GPC4: variants seen among roughly 807,000 people sequenced by gnomAD.
The protein encoded by GPC4 is glypican-4.
Under a neutral mutation model 35.0 loss-of-function variants are expected in GPC4, and 10 were observed. The observed-to-expected ratio is 0.29, with a 90% confidence interval of 0.18 to 0.48. The LOEUF is 0.48. Ranked by LOEUF, GPC4 falls within the 20% of genes least tolerant of loss-of-function variation. The pLI, the probability that GPC4 is intolerant of heterozygous loss-of-function variation, is 0.99. For missense variants in GPC4, 322 were observed against 451.3 expected (o/e 0.71, Z 2.60); for synonymous variants, 167 against 170.2 (o/e 0.98, Z 0.15).
At chrX:133,383,124 T>C (rs897156713) in intron 1 of GPC4, among the ~76,000 whole-genome samples, 1 of 112,012 alleles carries the variant, frequency 8.9e-6, no homozygotes, top group Admixed American at 9.5e-5. Context: ...TTATTCCTAA[T>C]TGCCAAAATT....
intron 7 of GPC4, 78 bp from the exon 8 acceptor site, chrX:133,303,419 A>G: frequency 1.2e-6 from 1 of 845,703 alleles, no homozygotes; most frequent in Non-Finnish European, 1.7e-6. Flanking sequence ...AAGTGCTGGG[A>G]TTACAGGCGT....
intron 4 of GPC4, among the ~76,000 whole-genome samples, chrX:133,307,809 A>T (rs2068297271): frequency 8.9e-6 from 1 of 112,136 alleles, no homozygotes; most frequent in Non-Finnish European, 1.9e-5. Flanking sequence ...AACAACAACA[A>T]CAAAACCCAG....
At chrX:133,348,154 C>T (rs910097477) in intron 1 of GPC4, among the ~76,000 whole-genome samples, 2 of 112,318 alleles carry the variant, frequency 1.8e-5, no homozygotes, top group Non-Finnish European at 3.8e-5. Context: ...AGAAATCAAC[C>T]AAGGCTTCTT....
intron 3 of GPC4, among the ~76,000 whole-genome samples, chrX:133,318,711 C>G: frequency 8.9e-6 from 1 of 112,356 alleles, no homozygotes; most frequent in Middle Eastern, 4.6e-3. Flanking sequence ...AGACTTCATC[C>G]TTCCAGGCAA....
At chrX:133,333,750 T>C (rs1178142666) in intron 2 of GPC4, among the ~76,000 whole-genome samples, 1 of 112,886 alleles carries the variant, frequency 8.9e-6, no homozygotes, top group African/African-American at 3.2e-5. Flanking sequence ...TCTTTCTCCG[T>C]ACTTTCGAGG....
At chrX:133,379,521 T>C (rs192241901) in intron 1 of GPC4, among the ~76,000 whole-genome samples, 1 of 112,074 alleles carries the variant, frequency 8.9e-6, no homozygotes, top group Non-Finnish European at 1.9e-5. Context: ...ACTGTTTATA[T>C]ACTAAATGCC....
At chrX:133,354,568 A>ATTTT (rs77166014) in intron 1 of GPC4, among the ~76,000 whole-genome samples, 22,648 of 94,862 alleles carry the variant, frequency 0.24, 2,473 homozygotes, top group South Asian at 0.34. Context: ...TTATTTATTT[A>ATTTT]TTTTTTTTTT....
Position 133,392,226 on chromosome X carries a change from C to A in GPC4, c.160+22580G>T, listed in dbSNP as rs139396803. ...CCAGCCTGGGAGACAGAGCAAGATTCTGTCTCAAAATAAATAAATAAATAT... is the reference window on the plus strand; with the variant it reads ...CCAGCCTGGGAGACAGAGCAAGATTATGTCTCAAAATAAATAAATAAATAT... On this transcript the variant is annotated intron_variant, in intron 1 of 8. Transcript: ENST00000370828. 5.3e-4 allele frequency among the ~76,000 whole-genome samples: 56 copies of A among 105,206 alleles called. 1 individual carries two copies. In the East Asian group the frequency reaches 0.015, roughly 28 times the overall value. The allele number at this position is 105,206 out of a possible 115,157, so 91.4% of individuals were successfully genotyped here.
intron 1 of GPC4, among the ~76,000 whole-genome samples, chrX:133,402,156 T>A (rs948272970): frequency 3.6e-5 from 4 of 112,374 alleles, no homozygotes; most frequent in African/African-American, 1.3e-4. Context: ...AAGTAGTAAC[T>A]GCTAACCACA....
intron 2 of GPC4, among the ~76,000 whole-genome samples, chrX:133,330,526 GT>G (rs111833370): frequency 0.032 from 3,515 of 111,075 alleles, 150 homozygotes; most frequent in African/African-American, 0.11. Flanking sequence ...TTTTTTGTTT[GT>G]TTTTTTAAAC....
At chrX:133,372,870 G>A (rs927267848) in intron 1 of GPC4, among the ~76,000 whole-genome samples, 1 of 112,164 alleles carries the variant, frequency 8.9e-6, no homozygotes, top group African/African-American at 3.2e-5. Context: ...TGATACCAGA[G>A]GGATGTGAAC....
intron 1 of GPC4, among the ~76,000 whole-genome samples, chrX:133,361,189 G>C (rs2124151818): frequency 9.0e-6 from 1 of 111,644 alleles, no homozygotes; most frequent in Non-Finnish European, 1.9e-5. Flanking sequence ...GATTTATTAA[G>C]GAAAACTGGT....
At chrX:133,391,252 C>T (rs1300571470) in intron 1 of GPC4, among the ~76,000 whole-genome samples, 4 of 111,990 alleles carry the variant, frequency 3.6e-5, no homozygotes, top group Non-Finnish European at 7.5e-5. Flanking sequence ...AACATCCCTT[C>T]ATAACAGAAA....
chrX:133,334,143 A>T lies in GPC4; in HGVS notation c.319+5040T>A, dbSNP rs770004914. ...GAGGTCATGCCTTTCACGGGCATAT[A>T]AATTTTAATGCCTCCTACTCACTGA... On this transcript the variant is annotated intron_variant, in intron 2 of 8. Transcript: ENST00000370828. Among the ~76,000 whole-genome samples, 15 of 112,040 alleles carry T rather than the reference A, an allele frequency of 1.3e-4. No individual in the cohort carries two copies. In the South Asian group the frequency reaches 3.7e-3, roughly 28 times the overall value.
At chrX:133,404,637 T>G (rs1225239990) in intron 1 of GPC4, among the ~76,000 whole-genome samples, 1 of 106,953 alleles carries the variant, frequency 9.3e-6, no homozygotes, top group African/African-American at 3.5e-5. Flanking sequence ...GCAGAATCAC[T>G]TAAGGCCAGG....
Position 133,302,779 on chromosome X carries a change from T to C in GPC4, c.*88A>G. On this transcript the variant is annotated 3_prime_UTR_variant, in exon 9 of 9. Coordinates refer to ENST00000370828, the MANE Select transcript of GPC4 (RefSeq NM_001448.3). ...AAACTGTACATTGTTGTCCATTCAT[T>C]TAAAAAGCAAAGTCACTAGGATGGT... The C allele has an allele frequency of 2.2e-6, 2 of 908,767 alleles. No individual in the cohort carries two copies. Among genetic ancestry groups the C allele is most frequent in the Non-Finnish European group, 3.1e-6 (2 of 640,602 alleles). The allele number at this position is 908,767 out of a possible 1,213,427, so 74.9% of individuals were successfully genotyped here. A position where few individuals can be genotyped will look rare whatever the true frequency, so the allele number is the denominator to read the frequency against.
chrX:133,385,115 G>A (rs2068682637), intron 1 of GPC4, among the ~76,000 whole-genome samples: 1 of 112,414 alleles, frequency 8.9e-6, no homozygotes, highest in South Asian at 3.7e-4. Flanking sequence ...AGCTGTGAGT[G>A]AATAAAGTAA....
intron 1 of GPC4, among the ~76,000 whole-genome samples, chrX:133,394,825 G>C (rs1213463776): frequency 1.8e-5 from 2 of 111,818 alleles, no homozygotes; most frequent in Non-Finnish European, 3.8e-5. Flanking sequence ...CTCACCTGTT[G>C]TTTTGGTTGA....
intron 4 of GPC4, among the ~76,000 whole-genome samples, chrX:133,310,888 G>A (rs187214105): frequency 9.0e-6 from 1 of 111,043 alleles, no homozygotes; most frequent in East Asian, 2.8e-4. Flanking sequence ...GGGCTTTTGG[G>A]GGGCTGAGGG....
Sources: allele counts gnomAD v4.1 joint callset (sites outside exome capture counted in the v4.1 genomes callset), GRCh38; gene constraint gnomAD v4.1.1; transcripts MANE v1.5; gene names NCBI Gene and HGNC (gene_info 2026-07-23, HGNC 2026-07-21).